LAMA2: variants seen among roughly 807,000 people sequenced by gnomAD.
The protein encoded by LAMA2 is laminin subunit alpha-2.
In LAMA2, 269 loss-of-function variants were observed where a neutral mutation model predicts 364.8. That is an observed-to-expected ratio of 0.74 (90% CI 0.67 to 0.82). The LOEUF (loss-of-function observed/expected upper bound fraction) is 0.82, where lower values mean the gene tolerates loss of function less well. Among genes scored for constraint, LAMA2 ranks in the 40% least tolerant of loss-of-function variants. LAMA2 has a pLI of 0.00. For synonymous variants in LAMA2, 1,379 were observed against 1,370.6 expected (o/e 1.01, Z -0.14); for missense variants, 3,807 against 3,873.2 (o/e 0.98, Z 0.45).
intron 5 of LAMA2, among the ~76,000 whole-genome samples, chr6:129,146,368 A>G (rs921146376): frequency 1.3e-5 from 2 of 152,064 alleles, no homozygotes; most frequent in African/African-American, 4.8e-5. Context: ...TGTTAACTTC[A>G]TATACAAAGG....
intron 1 of LAMA2, among the ~76,000 whole-genome samples, chr6:128,886,222 T>G (rs1483850927): frequency 2.0e-5 from 3 of 152,122 alleles, no homozygotes; most frequent in Non-Finnish European, 4.4e-5. Context: ...GTTCAGAAAT[T>G]TTAAAGGTCT....
At chr6:129,228,749 G>A (rs538579639) in intron 12 of LAMA2, among the ~76,000 whole-genome samples, 4 of 152,280 alleles carry the variant, frequency 2.6e-5, no homozygotes, top group Admixed American at 2.6e-4. Context: ...TAAGAAAAAT[G>A]TATGAAATAG....
At chr6:129,036,585 A>G (rs903540970) in intron 1 of LAMA2, among the ~76,000 whole-genome samples, 7 of 152,096 alleles carry the variant, frequency 4.6e-5, no homozygotes, top group African/African-American at 1.4e-4. Context: ...AGAGTAAGCA[A>G]TTTTAAAAAT....
chr6:129,491,579 G>C (rs1784866222), intron 56 of LAMA2, among the ~76,000 whole-genome samples: 1 of 152,218 alleles, frequency 6.6e-6, no homozygotes. Context: ...TATACGGTTA[G>C]ACATTACTGC....
At chr6:129,256,789 T>TAC (rs1181727756) in intron 14 of LAMA2, among the ~76,000 whole-genome samples, 2 of 134,896 alleles carry the variant, frequency 1.5e-5, no homozygotes, top group Non-Finnish European at 3.4e-5. Flanking sequence ...TATATATATA[T>TAC]ATATATATAT....
intron 12 of LAMA2, among the ~76,000 whole-genome samples, chr6:129,215,269 C>T (rs919327402): frequency 6.6e-6 from 1 of 152,134 alleles, no homozygotes; most frequent in African/African-American, 2.4e-5. Flanking sequence ...GTAATGCTTA[C>T]AGTCTAAAAG....
intron 29 of LAMA2, among the ~76,000 whole-genome samples, chr6:129,329,981 C>G (rs939858882): frequency 6.6e-6 from 1 of 151,904 alleles, no homozygotes; most frequent in Admixed American, 6.6e-5. Context: ...GAGCACAAAC[C>G]CTATTGTGAA....
intron 12 of LAMA2, among the ~76,000 whole-genome samples, chr6:129,229,478 A>G (rs1328453140): frequency 6.6e-6 from 1 of 152,194 alleles, no homozygotes; most frequent in East Asian, 1.9e-4. Flanking sequence ...GGTCTTTGGC[A>G]CACTGTAGTT....
At chr6:129,065,229 A>G (rs75464516) in intron 3 of LAMA2, among the ~76,000 whole-genome samples, 1,542 of 152,322 alleles carry the variant, frequency 0.01, 21 homozygotes, top group African/African-American at 0.035. Flanking sequence ...AAAGCTGTCA[A>G]CAAATTAGCT....
At position 129,214,359 on chromosome 6, in the gene LAMA2, C is replaced by T. The variant is rs1036814509; in HGVS notation, c.1782+21506C>T. ...ATCCAGTCCTACAAGAGCAAGAACT[C>T]ACTCTAAGAAAGGTATTAATTCCTT... On this transcript the variant is annotated intron_variant, in intron 12 of 64. Transcript: ENST00000421865. 3.3e-5 allele frequency among the ~76,000 whole-genome samples: 5 copies of T among 152,166 alleles called. No individual in the cohort carries two copies. In the East Asian group the frequency reaches 5.8e-4, roughly 18 times the overall value.
chr6:129,297,616 A>AT (rs1279195705), intron 20 of LAMA2, 69 bp from the exon 21 acceptor site: 2 of 1,393,694 alleles, frequency 1.4e-6, no homozygotes, highest in African/African-American at 2.8e-5. Context: ...GATCTTTGGT[A>AT]TTGTGCATCT....
intron 28 of LAMA2, among the ~76,000 whole-genome samples, chr6:129,321,025 T>A (rs1774932573): frequency 6.6e-6 from 1 of 152,208 alleles, no homozygotes. Flanking sequence ...TATTTTTATA[T>A]AGAACACGAC....
At chr6:129,154,380 C>T (rs1238366834) in intron 7 of LAMA2, 125 bp from the exon 8 acceptor site, 1 of 839,914 alleles carries the variant, frequency 1.2e-6, no homozygotes, top group African/African-American at 1.7e-5. Context: ...CCACTCTGCA[C>T]TCCAGCCTGG....
In LAMA2 at chr6:129,465,304, T is replaced by A. The variant is rs767954156; in HGVS notation, c.7300+15T>A. On this transcript the variant is annotated intron_variant, in intron 51 of 64. Coordinates refer to ENST00000421865, the MANE Select transcript of LAMA2 (RefSeq NM_000426.4). ...TCAAAAACAAGGTGAGTTTTTACAG[T>A]AATAATGCAATATAGGCCTTAATCA... The A allele has an allele frequency of 8.8e-6, 14 of 1,596,146 alleles. No individual in the cohort carries two copies. The highest frequency in any genetic ancestry group is 1.2e-5 in the Non-Finnish European group (14 of 1,165,428).
In LAMA2 at chr6:129,391,530, G is replaced by A. The variant is rs868816708; in HGVS notation, c.5111G>A (p.Gly1704Glu). The A allele has an allele frequency of 2.5e-6, 4 of 1,613,822 alleles. No homozygotes were observed. The African/African-American group carries it at 5.3e-5, about 22-fold the overall frequency. ...GCTATAAAACTAAATGAAACTCTAG[G>A]AACTCGAGACGAGGCCTTTGAGAGA... ...EKAIKLNETL[G>E]TRDEAFERNL... The change falls in exon 36 of 65, where the codon GGA (glycine) becomes GAA (glutamate). Residue 1704 changes from glycine to glutamate, a missense_variant. Transcript: ENST00000421865.
chr6:129,098,725 T>C (rs1775335168), intron 4 of LAMA2, among the ~76,000 whole-genome samples: 1 of 152,206 alleles, frequency 6.6e-6, no homozygotes, highest in Non-Finnish European at 1.5e-5. Context: ...TAGAGAAGGA[T>C]TGGAGACCTT....
intron 12 of LAMA2, among the ~76,000 whole-genome samples, chr6:129,222,486 TC>T (rs1182034476): frequency 2.1e-5 from 2 of 93,954 alleles, no homozygotes; most frequent in Admixed American, 1.4e-4. Context: ...ATGCTATCCC[TC>T]CCCCCTCCCC....
chr6:129,327,321 A>G (rs1290473494), intron 28 of LAMA2, among the ~76,000 whole-genome samples: 2 of 152,196 alleles, frequency 1.3e-5, no homozygotes, highest in African/African-American at 4.8e-5. Flanking sequence ...ATGTGGAGGT[A>G]CTAGAAAGTT....
intron 1 of LAMA2, among the ~76,000 whole-genome samples, chr6:128,961,040 TATC>T (rs1029909962): frequency 1.3e-5 from 2 of 151,810 alleles, no homozygotes; most frequent in East Asian, 3.9e-4. Context: ...ATGAACAAGG[TATC>T]ATTTCATTGG....
Sources: gnomAD v4.1 joint callset for allele counts (sites outside exome capture counted in the v4.1 genomes callset) on GRCh38, gnomAD v4.1.1 for gene constraint, MANE v1.5 for transcripts, NCBI Gene and HGNC (gene_info 2026-07-23, HGNC 2026-07-21) for gene names.